Variants in CHRNA7 observed in about 807,000 individuals in gnomAD.
CHRNA7 encodes the protein neuronal acetylcholine receptor subunit alpha-7.
In CHRNA7, 17 loss-of-function variants were observed where a neutral mutation model predicts 48.0. The observed-to-expected ratio is 0.35, with a 90% CI of 0.24 to 0.53. The LOEUF (loss-of-function observed/expected upper bound fraction) is 0.53, where lower values mean the gene tolerates loss of function less well. Ranked by LOEUF, CHRNA7 falls within the 20% of genes least tolerant of loss-of-function variation. The pLI, the probability that CHRNA7 is intolerant of heterozygous loss-of-function variation, is 0.92. For synonymous variants in CHRNA7, 75 were observed against 242.3 expected, an observed-to-expected ratio of 0.31 and a Z score of 6.41; for missense variants, 155 against 577.7, an observed-to-expected ratio of 0.27 and a Z score of 7.50.
At chr15:32,141,318 ACTG>A (rs1203928506) in intron 4 of CHRNA7, among the ~76,000 whole-genome samples, 7 of 152,304 alleles carry the variant, frequency 4.6e-5, no homozygotes, top group Admixed American at 4.6e-4. Flanking sequence ...TGTTTTGGTT[ACTG>A]TAGCCTTGTA....
intron 2 of CHRNA7, among the ~76,000 whole-genome samples, chr15:32,097,108 G>C (rs1301687822): frequency 6.6e-6 from 1 of 152,176 alleles, no homozygotes; most frequent in Non-Finnish European, 1.5e-5. Flanking sequence ...AGACAGGGCA[G>C]CTGTTTGCAT....
At chr15:32,086,908 G>A (rs926482810) in intron 2 of CHRNA7, among the ~76,000 whole-genome samples, 9 of 152,172 alleles carry the variant, frequency 5.9e-5, no homozygotes, top group African/African-American at 1.7e-4. Flanking sequence ...TACTGTTGCT[G>A]TGGGCCTTAA....
chr15:32,129,599 T>C (rs1310262611), intron 4 of CHRNA7, among the ~76,000 whole-genome samples: 2 of 151,950 alleles, frequency 1.3e-5, no homozygotes, highest in Non-Finnish European at 2.9e-5. Flanking sequence ...ATGTCTACAA[T>C]GTCTGTGTAG....
intron 2 of CHRNA7, chr15:32,098,871 A>ACACACACACAC (rs2050519510): frequency 7.4e-6 from 1 of 134,704 alleles, no homozygotes. Flanking sequence ...CCCCCCCACC[A>ACACACACACAC]ACACACACAC....
chr15:32,052,982 T>C (rs1486365532), intron 2 of CHRNA7, among the ~76,000 whole-genome samples: 1 of 152,174 alleles, frequency 6.6e-6, no homozygotes, highest in African/African-American at 2.4e-5. Flanking sequence ...ATATCACATG[T>C]ACCTCCAAAA....
intron 4 of CHRNA7, among the ~76,000 whole-genome samples, chr15:32,151,497 G>C (rs2051628382): frequency 6.6e-6 from 1 of 151,966 alleles, no homozygotes. Flanking sequence ...TCTGCTGTGA[G>C]AAGTGTCTTC....
At position 32,043,957 on chromosome 15, in the gene CHRNA7, T is replaced by G. The variant is rs557123753; in HGVS notation, c.195+12920T>G. Reference sequence around the variant, plus strand: ...TACAGACTTTGTGTTGCCGGTTAGTTACAGCACTTTTATATACAGCATAGT... The same window carrying G: ...TACAGACTTTGTGTTGCCGGTTAGTGACAGCACTTTTATATACAGCATAGT... On this transcript the variant is annotated intron_variant, in intron 2 of 9. Coordinates refer to ENST00000306901, the MANE Select transcript of CHRNA7 (RefSeq NM_000746.6). Among the ~76,000 whole-genome samples the G allele has an allele frequency of 2.0e-5, 3 of 152,334 alleles. No homozygotes were observed. The South Asian group carries it at 6.2e-4, about 32-fold the overall frequency.
intron 2 of CHRNA7, among the ~76,000 whole-genome samples, chr15:32,050,457 A>C (rs919096997): frequency 6.6e-6 from 1 of 152,096 alleles, no homozygotes; most frequent in Non-Finnish European, 1.5e-5. Flanking sequence ...AGGCTTCTGC[A>C]TTCTTCATGT....
intron 4 of CHRNA7, among the ~76,000 whole-genome samples, chr15:32,132,418 G>A (rs140078411): frequency 9.1e-4 from 139 of 152,238 alleles, no homozygotes; most frequent in African/African-American, 3.2e-3. Flanking sequence ...GCCTTCTTAT[G>A]TTTATTTATG....
At chr15:32,137,004 C>A (rs1313691757) in intron 4 of CHRNA7, among the ~76,000 whole-genome samples, 2 of 119,154 alleles carry the variant, frequency 1.7e-5, no homozygotes, top group Non-Finnish European at 3.2e-5. Context: ...TGCACTCCAG[C>A]CTGGGCGACA....
At chr15:32,110,983 C>A (rs1255660809) in intron 3 of CHRNA7, among the ~76,000 whole-genome samples, 3 of 152,074 alleles carry the variant, frequency 2.0e-5, no homozygotes, top group African/African-American at 7.2e-5. Flanking sequence ...ACTTGTCAGC[C>A]CTGAGCCTCC....
intron 2 of CHRNA7, among the ~76,000 whole-genome samples, chr15:32,096,894 C>T (rs1435550392): frequency 3.3e-5 from 5 of 152,288 alleles, no homozygotes; most frequent in East Asian, 1.9e-4. Flanking sequence ...CGCGTTGACT[C>T]GAGGGTGCCT....
At chr15:32,145,890 G>A (rs1028330652) in intron 4 of CHRNA7, among the ~76,000 whole-genome samples, 13 of 152,178 alleles carry the variant, frequency 8.5e-5, no homozygotes, top group African/African-American at 2.7e-4. Context: ...GTGAGGCGAC[G>A]CCCCACCCTG....
rs906435546 is a variant in CHRNA7 at position 32,101,198 on chromosome 15, A to G, written c.196-105A>G. ...GTGCTTGGTGCATTCTAATTTCCAC[A>G]CACAACAACGCTCTCGACAGTCAGA... On this transcript the variant is annotated intron_variant, in intron 2 of 9. Transcript: ENST00000306901. 3.3e-6 allele frequency: 4 copies of G among 1,227,150 alleles called. No homozygotes were observed. In the African/African-American group the frequency reaches 6.1e-5, roughly 19 times the overall value. 76.0% of individuals were successfully genotyped at this position (1,227,150 alleles called of 1,614,324 possible). A position where few individuals can be genotyped will look rare whatever the true frequency, so the allele number is the denominator to read the frequency against.
intron 4 of CHRNA7, among the ~76,000 whole-genome samples, chr15:32,141,202 T>C (rs1057100298): frequency 4.6e-5 from 7 of 152,228 alleles, no homozygotes; most frequent in Non-Finnish European, 8.8e-5. Context: ...TTCTTGTTTT[T>C]GTCAGGTTTG....
rs549294630 is a variant in CHRNA7 at position 32,063,219 on chromosome 15, C to T, written c.195+32182C>T. ...CTGTAGACTTCGTAAACACTGTACACTTAGACTACACTAAATTAAAAAAAA... is the reference window on the plus strand; with the variant it reads ...CTGTAGACTTCGTAAACACTGTACATTTAGACTACACTAAATTAAAAAAAA... On this transcript the variant is annotated intron_variant, in intron 2 of 9. Transcript: ENST00000306901. 2.3e-4 allele frequency among the ~76,000 whole-genome samples: 35 copies of T among 151,626 alleles called. No homozygotes were observed. The South Asian group carries it at 3.1e-3, about 14-fold the overall frequency.
At chr15:32,083,449 TTC>T (rs60405816) in intron 2 of CHRNA7, among the ~76,000 whole-genome samples, 67,294 of 151,850 alleles carry the variant, frequency 0.44, 17,484 homozygotes, top group South Asian at 0.65. Flanking sequence ...CTTCATGATA[TTC>T]TGTTACAGCA....
intron 4 of CHRNA7, among the ~76,000 whole-genome samples, chr15:32,148,019 C>T (rs1406339644): frequency 2.0e-5 from 3 of 152,158 alleles, no homozygotes; most frequent in Non-Finnish European, 4.4e-5. Flanking sequence ...CTTCCTCCTC[C>T]CTTCCTTTTT....
chr15:32,090,609 A>G (rs1427088319), intron 2 of CHRNA7, among the ~76,000 whole-genome samples: 1 of 152,124 alleles, frequency 6.6e-6, no homozygotes, highest in East Asian at 1.9e-4. Context: ...ACCCTGCAGC[A>G]GCAGTCCCTC....
Sources: gnomAD v4.1 joint callset for allele counts (sites outside exome capture counted in the v4.1 genomes callset) on GRCh38, gnomAD v4.1.1 for gene constraint, MANE v1.5 for transcripts, NCBI Gene and HGNC (gene_info 2026-07-23, HGNC 2026-07-21) for gene names.